Variants in WASHC4 observed in about 807,000 individuals in gnomAD.
WASHC4 encodes the protein WASH complex subunit 4.
Under a neutral mutation model 166.6 loss-of-function variants are expected in WASHC4, and 86 were observed. The observed-to-expected ratio is 0.52, with a 90% CI of 0.43 to 0.62. The LOEUF (loss-of-function observed/expected upper bound fraction) is 0.62. WASHC4 is among the 20% of genes least tolerant of loss of function. The probability of loss-of-function intolerance (pLI) is 0.00; values close to 1 mark genes in which losing one functional copy is unlikely to be tolerated. For synonymous variants in WASHC4, 446 were observed against 451.6 expected (o/e 0.99, Z 0.16); for missense variants, 1,262 against 1,382.4 (o/e 0.91, Z 1.38).
intron 24 of WASHC4, chr12:105,148,925 T>C (rs1883518523): frequency 2.0e-6 from 2 of 983,800 alleles, no homozygotes; most frequent in African/African-American, 1.7e-5. Flanking sequence ...TACCTCACTT[T>C]CTTAGGATTT....
chr12:105,164,147 G>A lies in WASHC4; in HGVS notation c.3194G>A (p.Arg1065Gln), dbSNP rs1390929942. 5.6e-6 allele frequency: 9 copies of A among 1,613,942 alleles called. No homozygotes were observed. Among genetic ancestry groups the A allele is most frequent in the Middle Eastern group, 1.6e-4 (1 of 6,082 alleles). ...AYILKLLDQYREFDSLHWFQS... is the reference protein window; with the variant it reads ...AYILKLLDQYQEFDSLHWFQS... ...ATTCTAAAGCTTTTGGATCAGTATC[G>A]GGAGTTTGATTCACTTCACTGGTTC... Residue 1065 changes from arginine to glutamine, a missense_variant, in exon 31 of 33, where the codon CGG (arginine) becomes CAG (glutamine). By Grantham distance (43) the Arg-to-Gln change is conservative (BLOSUM62 1). Coordinates refer to ENST00000332180, the MANE Select transcript of WASHC4 (RefSeq NM_015275.3).
In WASHC4 at chr12:105,141,061, T is replaced by C; in HGVS notation, c.1707+16T>C. The C allele has an allele frequency of 6.2e-7, 1 of 1,614,016 alleles. No individual in the cohort carries two copies. The highest frequency in any genetic ancestry group is 8.5e-7 in the Non-Finnish European group (1 of 1,179,870). On this transcript the variant is annotated intron_variant, in intron 17 of 32. Coordinates refer to ENST00000332180, the MANE Select transcript of WASHC4 (RefSeq NM_015275.3). ...CACACAAATGGTAAGTGTATTGCTATTACTTATGGAACAGAAATGAGATCT... is the reference window on the plus strand; with the variant it reads ...CACACAAATGGTAAGTGTATTGCTACTACTTATGGAACAGAAATGAGATCT...
At chr12:105,137,058 C>G (rs549754518) in intron 14 of WASHC4, among the ~76,000 whole-genome samples, 1 of 152,290 alleles carries the variant, frequency 6.6e-6, no homozygotes, top group Admixed American at 6.5e-5. Flanking sequence ...CCTTGCTAAA[C>G]TGTACATGTG....
intron 14 of WASHC4, among the ~76,000 whole-genome samples, chr12:105,137,239 C>T (rs1205653007): frequency 6.6e-6 from 1 of 152,164 alleles, no homozygotes; most frequent in Non-Finnish European, 1.5e-5. Context: ...TAACACCTCA[C>T]AAGACCTGGC....
chr12:105,136,873 T>C (rs1323553486), intron 14 of WASHC4, among the ~76,000 whole-genome samples: 1 of 152,150 alleles, frequency 6.6e-6, no homozygotes, highest in East Asian at 1.9e-4. Context: ...ACTTTGTGTG[T>C]GGTTCAGAGG....
chr12:105,119,658 G>A (rs1365621964), intron 7 of WASHC4, among the ~76,000 whole-genome samples: 2 of 152,138 alleles, frequency 1.3e-5, no homozygotes, highest in African/African-American at 2.4e-5. Context: ...TACCTGATGG[G>A]TAGTTCTAAG....
chr12:105,141,972 T>C (rs969352400), intron 18 of WASHC4, among the ~76,000 whole-genome samples: 8 of 148,100 alleles, frequency 5.4e-5, no homozygotes, highest in East Asian at 2.1e-4. Flanking sequence ...GCAAAGATTG[T>C]AGACATGTTA....
intron 25 of WASHC4, 54 bp from the exon 26 acceptor site, chr12:105,152,289 C>A: frequency 1.2e-6 from 1 of 858,338 alleles, no homozygotes; most frequent in Admixed American, 1.7e-5. Flanking sequence ...ATTTGGGAGG[C>A]ATTTTGTGCT....
chr12:105,119,331 A>AT (rs1468066536), intron 7 of WASHC4, among the ~76,000 whole-genome samples: 8 of 152,186 alleles, frequency 5.3e-5, no homozygotes, highest in African/African-American at 1.7e-4. Context: ...TATACTTAAA[A>AT]TTTTTTTTCC....
At chr12:105,146,291 T>C (rs1883286912) in intron 22 of WASHC4, among the ~76,000 whole-genome samples, 161 bp from the exon 23 acceptor site, 1 of 152,118 alleles carries the variant, frequency 6.6e-6, no homozygotes, top group Admixed American at 6.6e-5. Context: ...GAGATAGTCT[T>C]GATTTGTCTT....
chr12:105,139,738 C>T (rs77681999), intron 15 of WASHC4, among the ~76,000 whole-genome samples: 1 of 151,532 alleles, frequency 6.6e-6, no homozygotes, highest in Non-Finnish European at 1.5e-5. Context: ...CATTTTGGGT[C>T]TTCTTATATC....
chr12:105,147,010 TTG>T, intron 23 of WASHC4, 30 bp from the exon 24 acceptor site: 1 of 1,245,970 alleles, frequency 8.0e-7, no homozygotes, highest in Middle Eastern at 1.9e-4. Context: ...ATGGGTTGCG[TTG>T]TTACTGAGCA....
intron 24 of WASHC4, chr12:105,149,377 T>C: frequency 9.4e-7 from 1 of 1,058,710 alleles, no homozygotes; most frequent in South Asian, 3.2e-5. Context: ...TCCACTTTTT[T>C]CTTTTCTTTT....
rs142066192 is a variant in WASHC4, at chr12:105,136,659, T to C, written c.1327-1227T>C. 5.9e-5 allele frequency among the ~76,000 whole-genome samples: 9 copies of C among 152,270 alleles called. No homozygotes were observed. The East Asian group carries it at 1.7e-3, about 29-fold the overall frequency. On this transcript the variant is annotated intron_variant, in intron 14 of 32. Coordinates refer to ENST00000332180, the MANE Select transcript of WASHC4 (RefSeq NM_015275.3). ...CTGACTTAGAGTTAGATCTTTGCTGTTCCTTGTTTGTGCTTTTTAATTTTT... is the reference window on the plus strand; with the variant it reads ...CTGACTTAGAGTTAGATCTTTGCTGCTCCTTGTTTGTGCTTTTTAATTTTT...
intron 29 of WASHC4, among the ~76,000 whole-genome samples, chr12:105,162,366 T>C (rs1884549787): frequency 6.6e-6 from 1 of 152,254 alleles, no homozygotes; most frequent in African/African-American, 2.4e-5. Flanking sequence ...GCAGGCCTAC[T>C]TTGCTAACTC....
intron 25 of WASHC4, among the ~76,000 whole-genome samples, chr12:105,151,145 CAAAAAAAAAAAAAAAAA>C (rs34655671): frequency 8.2e-5 from 5 of 61,014 alleles, no homozygotes; most frequent in African/African-American, 2.7e-4. Context: ...GACTCTGTCT[CAAAAAAAAAAAAAAAAA>C]AAAAAAAAGA....
intron 13 of WASHC4, among the ~76,000 whole-genome samples, chr12:105,129,219 C>T (rs1881568340): frequency 6.6e-6 from 1 of 152,002 alleles, no homozygotes; most frequent in African/African-American, 2.4e-5. Context: ...GCTGGGATTA[C>T]AGGCGTGAGC....
intron 15 of WASHC4, among the ~76,000 whole-genome samples, chr12:105,139,421 G>GTA (rs1882600576): frequency 3.0e-5 from 1 of 33,122 alleles, no homozygotes; most frequent in African/African-American, 1.2e-4. Flanking sequence ...ATATATGTGT[G>GTA]TGTGTATATA....
chr12:105,163,278 G>C (rs1884617049), intron 30 of WASHC4, among the ~76,000 whole-genome samples: 1 of 152,050 alleles, frequency 6.6e-6, no homozygotes, highest in African/African-American at 2.4e-5. Context: ...TTTTTCATGA[G>C]TGTTGTTTAC....
Sources: allele counts gnomAD v4.1 joint callset (sites outside exome capture counted in the v4.1 genomes callset), GRCh38; gene constraint gnomAD v4.1.1; transcripts MANE v1.5; gene names NCBI Gene and HGNC (gene_info 2026-07-23, HGNC 2026-07-21).